Variants in TPTE observed in about 807,000 individuals in gnomAD.
TPTE encodes putative tyrosine-protein phosphatase TPTE.
In TPTE, 59 loss-of-function variants were observed where a neutral mutation model predicts 84.1. The ratio of observed to expected loss-of-function variants is 0.70; its 90% CI spans 0.57 to 0.87. The LOEUF (loss-of-function observed/expected upper bound fraction) is 0.87, where lower values mean the gene tolerates loss of function less well. TPTE is among the 40% of genes least tolerant of loss of function. The probability of loss-of-function intolerance (pLI) is 0.00; values close to 1 mark genes in which losing one functional copy is unlikely to be tolerated. For synonymous variants in TPTE, 130 were observed against 223.5 expected (o/e 0.58, Z 3.73); for missense variants, 382 against 659.6 (o/e 0.58, Z 4.61).
At chr21:10,559,845 G>T (rs867712114) in intron 9 of TPTE, among the ~76,000 whole-genome samples, 2,057 of 142,370 alleles carry the variant, frequency 0.014, no homozygotes, top group African/African-American at 0.053. Flanking sequence ...TTGCACCGCA[G>T]CCTTGGCGAC....
intron 3 of TPTE, among the ~76,000 whole-genome samples, chr21:10,528,212 T>C (rs1322820648): frequency 7.3e-5 from 10 of 136,136 alleles, no homozygotes; most frequent in South Asian, 2.3e-4. Flanking sequence ...AAAAAAAAAA[T>C]CGTGTATACA....
At chr21:10,578,162 A>G (rs1032453582) in intron 15 of TPTE, among the ~76,000 whole-genome samples, 175 bp from the exon 16 acceptor site, 1 of 152,226 alleles carries the variant, frequency 6.6e-6, no homozygotes, top group East Asian at 2.0e-4. Flanking sequence ...ATAAACCACT[A>G]CCATCCTTAT....
chr21:10,594,718 C>A (rs1360562744), intron 19 of TPTE, among the ~76,000 whole-genome samples: 3 of 152,306 alleles, frequency 2.0e-5, no homozygotes, highest in Admixed American at 6.5e-5. Flanking sequence ...TAGTCCAGAA[C>A]TAGCACACCA....
rs1298218425 is a variant in TPTE at position 10,521,614 on chromosome 21, CA to C, written c.-289del. 1 of 147,814 alleles carries C rather than the reference CA, an allele frequency of 6.8e-6. No homozygotes were observed. The highest frequency in any genetic ancestry group is 1.5e-5 in the Non-Finnish European group (1 of 67,090). The allele number at this position is 147,814 out of a possible 1,614,324, so 9.2% of individuals were successfully genotyped here. A position where few individuals can be genotyped will look rare whatever the true frequency, so the allele number is the denominator to read the frequency against. On this transcript the variant is annotated 5_prime_UTR_variant, in exon 1 of 24. Transcript: ENST00000618007. ...GCTGCTACCTGAACAGTTTCTGACC[CA>C]ACAGTTACCCAGCGCCGGACTCGCT...
chr21:10,523,569 C>A (rs568344175), intron 1 of TPTE, among the ~76,000 whole-genome samples: 1 of 152,276 alleles, frequency 6.6e-6, no homozygotes, highest in Admixed American at 6.5e-5. Flanking sequence ...TTTGTTCTTG[C>A]GATAGTTTAC....
intron 14 of TPTE, among the ~76,000 whole-genome samples, chr21:10,574,317 C>G (rs2075107347): frequency 6.6e-6 from 1 of 152,310 alleles, no homozygotes; most frequent in African/African-American, 2.4e-5. Context: ...TGTGTTAGCT[C>G]AGTTCTGAAC....
intron 17 of TPTE, among the ~76,000 whole-genome samples, chr21:10,585,706 T>G (rs2075351779): frequency 6.6e-6 from 1 of 152,310 alleles, no homozygotes; most frequent in African/African-American, 2.4e-5. Flanking sequence ...AATTCACCAG[T>G]GAACGCACAT....
At chr21:10,591,451 G>T (rs1174298071) in intron 18 of TPTE, among the ~76,000 whole-genome samples, 1 of 152,310 alleles carries the variant, frequency 6.6e-6, no homozygotes, top group Non-Finnish European at 1.5e-5. Context: ...TTATCAGTGA[G>T]TTTTAAAATA....
At chr21:10,547,288 G>T (rs1300086854) in intron 7 of TPTE, among the ~76,000 whole-genome samples, 3 of 152,308 alleles carry the variant, frequency 2.0e-5, no homozygotes, top group African/African-American at 7.2e-5. Context: ...GGATAGTCCT[G>T]GAGTGCAGCA....
intron 3 of TPTE, among the ~76,000 whole-genome samples, chr21:10,529,795 A>G (rs1600853484): frequency 6.6e-6 from 1 of 152,308 alleles, no homozygotes; most frequent in African/African-American, 2.4e-5. Context: ...CTTTCAGTCT[A>G]TGTTAAAACT....
intron 3 of TPTE, among the ~76,000 whole-genome samples, chr21:10,527,614 A>G (rs998121803): frequency 3.9e-5 from 6 of 152,310 alleles, no homozygotes; most frequent in Non-Finnish European, 5.9e-5. Flanking sequence ...TTAGGAAACT[A>G]TCAGAATGCC....
chr21:10,586,367 T>C (rs2075366171), intron 17 of TPTE, among the ~76,000 whole-genome samples: 1 of 152,284 alleles, frequency 6.6e-6, no homozygotes, highest in Non-Finnish European at 1.5e-5. Context: ...ATGAGAATTT[T>C]GTATTTATCT....
intron 4 of TPTE, among the ~76,000 whole-genome samples, chr21:10,539,102 T>C (rs2074320507): frequency 6.6e-6 from 1 of 152,310 alleles, no homozygotes; most frequent in Non-Finnish European, 1.5e-5. Flanking sequence ...AGTGTATTTG[T>C]CACTGTTAGT....
At chr21:10,548,844 T>G (rs1445518282) in intron 7 of TPTE, among the ~76,000 whole-genome samples, 2 of 152,430 alleles carry the variant, frequency 1.3e-5, no homozygotes, top group East Asian at 1.9e-4. Flanking sequence ...AACAGCTGTG[T>G]GCCTGCATCC....
intron 3 of TPTE, among the ~76,000 whole-genome samples, chr21:10,531,373 C>T (rs549184366): frequency 6.6e-6 from 1 of 152,428 alleles, no homozygotes; most frequent in African/African-American, 2.4e-5. Context: ...ACCTTGATTC[C>T]CCTCTTGCCA....
intron 7 of TPTE, among the ~76,000 whole-genome samples, chr21:10,547,047 G>T (rs560110091): frequency 1.3e-5 from 2 of 152,420 alleles, no homozygotes; most frequent in Admixed American, 6.5e-5. Context: ...AGAAGTCAAC[G>T]CATGGTTTCA....
At chr21:10,558,084 T>C (rs2074718284) in intron 8 of TPTE, among the ~76,000 whole-genome samples, 1 of 152,312 alleles carries the variant, frequency 6.6e-6, no homozygotes, top group African/African-American at 2.4e-5. Context: ...ATACATGATC[T>C]CATTCTTTTT....
At position 10,541,138 on chromosome 21, in the gene TPTE, T is replaced by G. The variant is rs762859803; in HGVS notation, c.38T>G (p.Val13Gly). 6.2e-7 allele frequency: 1 copy of G among 1,613,370 alleles called. No homozygotes were observed. The highest frequency in any genetic ancestry group is 1.1e-5 in the South Asian group (1 of 91,078). The change falls in exon 5 of 24, where the codon GTC becomes GGC. Residue 13 changes from valine to glycine, a missense_variant. Physicochemically the swap from Val to Gly is moderately radical, Grantham distance 109. Around this residue, in one of 10 missense-constraint regions of TPTE, gnomAD observed 63 missense variants for 49.5 expected, o/e 1.27. Transcript: ENST00000618007. ...CCTGATCCGACTGACCTGGCGGGAGTCATCATTGAGCTCGGCCCCAATGAC... is the reference window on the plus strand; with the variant it reads ...CCTGATCCGACTGACCTGGCGGGAGGCATCATTGAGCTCGGCCCCAATGAC... ...ESPDPTDLAG[V>G]IIELGPNDSP...
chr21:10,603,121 G>A (rs776700342), intron 22 of TPTE, among the ~76,000 whole-genome samples: 2,008 of 149,060 alleles, frequency 0.013, no homozygotes, highest in African/African-American at 0.049. Flanking sequence ...GGAGGTGAAC[G>A]GGAAACTGCT....
Sources: allele counts gnomAD v4.1 joint callset (sites outside exome capture counted in the v4.1 genomes callset), GRCh38; gene constraint gnomAD v4.1.1; regional missense constraint gnomAD v4.1.1; transcripts MANE v1.5; gene names NCBI Gene and HGNC (gene_info 2026-07-23, HGNC 2026-07-21).